SLC24A2: variants seen among roughly 807,000 people sequenced by gnomAD.
SLC24A2 encodes the protein solute carrier family 24 member 2, also known as sodium/potassium/calcium exchanger 2.
Under a neutral mutation model 62.0 loss-of-function variants are expected in SLC24A2, and 36 were observed. The ratio of observed to expected loss-of-function variants is 0.58; its 90% CI spans 0.44 to 0.77. The LOEUF is 0.77. SLC24A2 is among the 30% of genes least tolerant of loss of function. The pLI, the probability that SLC24A2 is intolerant of heterozygous loss-of-function variation, is 0.00. For missense variants in SLC24A2, 846 were observed against 817.9 expected (o/e 1.03, Z -0.42); for synonymous variants, 358 against 294.0 (o/e 1.22, Z -2.23).
At chr9:20,221,157 C>T in the SLC24A2 span, among the ~76,000 whole-genome samples, 1 of 151,980 alleles carries the variant, frequency 6.6e-6, no homozygotes, top group Non-Finnish European at 1.5e-5. Flanking sequence ...AGATATCATG[C>T]TAATTGCGAT....
intron 2 of SLC24A2, among the ~76,000 whole-genome samples, chr9:19,629,635 T>G (rs1260731822): frequency 6.6e-6 from 1 of 152,202 alleles, no homozygotes; most frequent in Non-Finnish European, 1.5e-5. Flanking sequence ...TGACTTGTAT[T>G]AAGGAGTTGA....
chr9:19,906,832 T>A, the SLC24A2 span, among the ~76,000 whole-genome samples: 1 of 152,038 alleles, frequency 6.6e-6, no homozygotes, highest in Non-Finnish European at 1.5e-5. Context: ...AGGCAATAAT[T>A]AATAGCTTAC....
chr9:20,171,848 C>T, the SLC24A2 span, among the ~76,000 whole-genome samples: 1 of 151,952 alleles, frequency 6.6e-6, no homozygotes, highest in South Asian at 2.1e-4. Context: ...TTAAACTATA[C>T]CCTGGAATGA....
intron 2 of SLC24A2, among the ~76,000 whole-genome samples, chr9:19,680,514 T>C (rs1318719709): frequency 7.6e-6 from 1 of 132,202 alleles, no homozygotes; most frequent in East Asian, 3.3e-4. Context: ...CGAGTTTCTT[T>C]GTACAACTTT....
At chr9:20,138,516 G>C in the SLC24A2 span, among the ~76,000 whole-genome samples, 6,531 of 152,182 alleles carry the variant, frequency 0.043, 447 homozygotes, top group African/African-American at 0.15. Context: ...TTTGAAAACA[G>C]ATTCCAAAAT....
intron 2 of SLC24A2, among the ~76,000 whole-genome samples, chr9:19,636,292 T>TTCTTTTCTTTTCTTTTCTTTTCTTC (rs1818316810): frequency 9.8e-5 from 4 of 40,630 alleles, no homozygotes; most frequent in South Asian, 9.7e-4. Flanking sequence ...TTCTCTTCTT[T>TTCTTTTCTTTTCTTTTCTTTTCTTC]TCTTTTCTTT....
At chr9:20,181,743 A>T in the SLC24A2 span, among the ~76,000 whole-genome samples, 2 of 152,230 alleles carry the variant, frequency 1.3e-5, no homozygotes, top group Non-Finnish European at 2.9e-5. Context: ...TTCATGACTA[A>T]AACACCAAAA....
the SLC24A2 span, among the ~76,000 whole-genome samples, chr9:19,899,829 C>G: frequency 6.6e-6 from 1 of 152,154 alleles, no homozygotes; most frequent in Non-Finnish European, 1.5e-5. Flanking sequence ...ATAAAACCAT[C>G]AGAATTCACT....
At chr9:19,701,747 C>T (rs188797174) in intron 2 of SLC24A2, among the ~76,000 whole-genome samples, 11 of 152,228 alleles carry the variant, frequency 7.2e-5, no homozygotes, top group East Asian at 3.9e-4. Context: ...TAATCAAAAC[C>T]GAGACAGGAG....
chr9:19,920,113 T>A, the SLC24A2 span, among the ~76,000 whole-genome samples: 1 of 152,326 alleles, frequency 6.6e-6, no homozygotes, highest in South Asian at 2.1e-4. Context: ...GATATAGTCA[T>A]GCAACATTTG....
chr9:19,718,417 T>C (rs1043762833), intron 2 of SLC24A2, among the ~76,000 whole-genome samples: 28 of 147,520 alleles, frequency 1.9e-4, no homozygotes, highest in Non-Finnish European at 7.4e-5. Flanking sequence ...CTCAGCCTCC[T>C]GAGTAGCTGA....
intron 2 of SLC24A2, among the ~76,000 whole-genome samples, chr9:19,751,454 C>G (rs1322162207): frequency 3.9e-5 from 6 of 152,178 alleles, no homozygotes; most frequent in Non-Finnish European, 8.8e-5. Flanking sequence ...TGGAGAACCA[C>G]TGAAGCTGAA....
chr9:19,849,472 T>C, the SLC24A2 span, among the ~76,000 whole-genome samples: 1 of 152,180 alleles, frequency 6.6e-6, no homozygotes, highest in Admixed American at 6.5e-5. Context: ...GGCCTATGTT[T>C]TAACAATATT....
chr9:19,590,367 CTT>C (rs748006870), intron 5 of SLC24A2, among the ~76,000 whole-genome samples: 35 of 152,242 alleles, frequency 2.3e-4, no homozygotes, highest in Admixed American at 3.9e-4. Flanking sequence ...TGAAAATTCT[CTT>C]TGTCTTCTTG....
chr9:19,906,705 T>G, the SLC24A2 span, among the ~76,000 whole-genome samples: 6 of 152,080 alleles, frequency 3.9e-5, no homozygotes, highest in Non-Finnish European at 8.8e-5. Context: ...AACACCTCTA[T>G]GCAAAAAAAC....
At chr9:20,270,395 G>A in the SLC24A2 span, among the ~76,000 whole-genome samples, 2,380 of 152,204 alleles carry the variant, frequency 0.016, 69 homozygotes, top group African/African-American at 0.054. Flanking sequence ...CTCACAGGAC[G>A]TAATTTAAGA....
the SLC24A2 span, among the ~76,000 whole-genome samples, chr9:20,096,275 GTC>G: frequency 6.6e-6 from 1 of 152,126 alleles, no homozygotes; most frequent in South Asian, 2.1e-4. Context: ...CACAAAGTGA[GTC>G]TCTTTTTATT....
At chr9:20,125,670 G>A in the SLC24A2 span, among the ~76,000 whole-genome samples, 4 of 152,286 alleles carry the variant, frequency 2.6e-5, no homozygotes, top group East Asian at 7.7e-4. Flanking sequence ...TTGTGGCCTA[G>A]ACTATCTCTC....
chr9:19,987,941 T>C, the SLC24A2 span, among the ~76,000 whole-genome samples: 1 of 152,192 alleles, frequency 6.6e-6, no homozygotes, highest in African/African-American at 2.4e-5. Flanking sequence ...GCTTAAAACT[T>C]GGAATTTATT....
Sources: gnomAD v4.1 joint callset for allele counts (sites outside exome capture counted in the v4.1 genomes callset) on GRCh38, gnomAD v4.1.1 for gene constraint, MANE v1.5 for transcripts, NCBI Gene and HGNC (gene_info 2026-07-23, HGNC 2026-07-21) for gene names.